LRRTM4: variants seen among roughly 807,000 people sequenced by gnomAD.
The protein encoded by LRRTM4 is leucine rich repeat transmembrane neuronal 4.
LRRTM4 carries 25 observed loss-of-function variants against 47.6 expected under a neutral mutation model. The observed-to-expected ratio is 0.53, with a 90% CI of 0.38 to 0.73. The LOEUF (loss-of-function observed/expected upper bound fraction) is 0.73. LRRTM4 is among the 30% of genes least tolerant of loss of function. The pLI is 0.00. For missense variants in LRRTM4, 638 were observed against 713.4 expected (o/e 0.89, Z 1.20); for synonymous variants, 311 against 269.5 (o/e 1.15, Z -1.51).
intron 3 of LRRTM4, among the ~76,000 whole-genome samples, chr2:76,875,891 T>C (rs1472059447): frequency 6.6e-6 from 1 of 152,084 alleles, no homozygotes. Flanking sequence ...TTCAGCTGAG[T>C]TTCCCTATAA....
chr2:76,826,099 T>C (rs548166996), intron 3 of LRRTM4, among the ~76,000 whole-genome samples: 2 of 151,664 alleles, frequency 1.3e-5, no homozygotes, highest in African/African-American at 4.8e-5. Context: ...AAGGCGAGAT[T>C]GTATATGAGC....
At chr2:77,422,381 C>T (rs867683378) in intron 3 of LRRTM4, among the ~76,000 whole-genome samples, 1 of 152,128 alleles carries the variant, frequency 6.6e-6, no homozygotes, top group Admixed American at 6.5e-5. Flanking sequence ...CAATAAACTG[C>T]ATCCATGTCT....
rs527712150 is a variant in LRRTM4 at position 77,088,714 on chromosome 2, G to A, written c.1552-339798C>T. On this transcript the variant is annotated intron_variant, in intron 3 of 3. Coordinates refer to ENST00000409884, the MANE Select transcript of LRRTM4 (RefSeq NM_001134745.3). The stretch of plus-strand genomic sequence containing the variant: ...ACTTGGATCAGGGGACTTCCCCTAG[G>A]AGATCAATCCCCCGTCCTCCTGCTC... 1.4e-4 allele frequency among the ~76,000 whole-genome samples: 21 copies of A among 152,230 alleles called. No individual in the cohort carries two copies. The South Asian group carries it at 4.4e-3, about 32-fold the overall frequency.
At chr2:76,984,516 A>C in intron 3 of LRRTM4, among the ~76,000 whole-genome samples, 1 of 151,962 alleles carries the variant, frequency 6.6e-6, no homozygotes, top group East Asian at 1.9e-4. Context: ...TATGGGACTT[A>C]AGGAAAAGCC....
At chr2:77,362,133 G>GAAAGAAAGAAAT (rs1558707277) in intron 3 of LRRTM4, among the ~76,000 whole-genome samples, 1 of 115,430 alleles carries the variant, frequency 8.7e-6, no homozygotes, top group Non-Finnish European at 2.1e-5. Context: ...AAGAAAGAAA[G>GAAAGAAAGAAAT]AAAGAAAGAA....
rs575187126 is a variant in LRRTM4, at chr2:77,090,774, C to T, written c.1552-341858G>A. Among the ~76,000 whole-genome samples, 571 of 152,328 alleles carry T rather than the reference C, an allele frequency of 3.7e-3. 1 individual carries two copies. Among genetic ancestry groups the T allele is most frequent in the Non-Finnish European group, 6.7e-3 (457 of 68,040 alleles). ...GACTGTTCAACTTACCTGGCAGCCACTCCCAGAGCCCCTGGAACTCTGGCC... is the reference window on the plus strand; with the variant it reads ...GACTGTTCAACTTACCTGGCAGCCATTCCCAGAGCCCCTGGAACTCTGGCC... On this transcript the variant is annotated intron_variant, in intron 3 of 3. Coordinates refer to ENST00000409884, the MANE Select transcript of LRRTM4 (RefSeq NM_001134745.3).
At chr2:77,108,740 C>CGGT (rs1671169407) in intron 3 of LRRTM4, among the ~76,000 whole-genome samples, 2 of 151,690 alleles carry the variant, frequency 1.3e-5, no homozygotes, top group Admixed American at 1.3e-4. Flanking sequence ...CCCGCCACCA[C>CGGT]GCCCGGCTAA....
At chr2:76,968,863 A>G (rs1676127278) in intron 3 of LRRTM4, among the ~76,000 whole-genome samples, 1 of 151,800 alleles carries the variant, frequency 6.6e-6, no homozygotes, top group Admixed American at 6.6e-5. Flanking sequence ...TTCCTTTTAA[A>G]GATTTCACAG....
chr2:77,483,777 C>T (rs1452403479), intron 3 of LRRTM4, among the ~76,000 whole-genome samples: 1 of 152,072 alleles, frequency 6.6e-6, no homozygotes. Context: ...TATTAAAAAA[C>T]CAACTTCATC....
At chr2:77,120,073 G>C (rs747677906) in intron 3 of LRRTM4, among the ~76,000 whole-genome samples, 2 of 151,732 alleles carry the variant, frequency 1.3e-5, no homozygotes, top group Non-Finnish European at 3.0e-5. Context: ...GGATATTTCT[G>C]TCTTATGAAA....
intron 3 of LRRTM4, among the ~76,000 whole-genome samples, chr2:77,476,465 G>C (rs1677391956): frequency 6.6e-6 from 1 of 151,920 alleles, no homozygotes; most frequent in African/African-American, 2.4e-5. Context: ...TAAAATATTA[G>C]AAATATAAGA....
Position 77,056,209 on chromosome 2 carries a change from GAAT to G in LRRTM4, c.1552-307296_1552-307294del, listed in dbSNP as rs528907399. ...GTATAATAATAAAAAGCTAATGTGA[GAAT>G]AATTATGTGATATATGAAAAAATAA... is the stretch of plus-strand genomic sequence containing the variant. On this transcript the variant is annotated intron_variant, in intron 3 of 3. Coordinates refer to ENST00000409884, the MANE Select transcript of LRRTM4 (RefSeq NM_001134745.3). Among the ~76,000 whole-genome samples the G allele has an allele frequency of 7.4e-3, 1,104 of 149,184 alleles. 14 individuals are homozygous for G. The highest frequency in any genetic ancestry group is 0.025 in the African/African-American group (1,029 of 40,986).
At chr2:77,415,016 T>C (rs1259789172) in intron 3 of LRRTM4, among the ~76,000 whole-genome samples, 1 of 152,202 alleles carries the variant, frequency 6.6e-6, no homozygotes, top group Non-Finnish European at 1.5e-5. Flanking sequence ...AAAATAGCCT[T>C]TTGAAAGATT....
chr2:77,297,300 CTATT>C (rs1459671756), intron 3 of LRRTM4, among the ~76,000 whole-genome samples: 1 of 152,072 alleles, frequency 6.6e-6, no homozygotes, highest in Non-Finnish European at 1.5e-5. Flanking sequence ...AAATAATTGA[CTATT>C]TTATTTATTT....
intron 3 of LRRTM4, among the ~76,000 whole-genome samples, chr2:76,809,733 G>T (rs1162659610): frequency 6.6e-6 from 1 of 152,138 alleles, no homozygotes; most frequent in Admixed American, 6.6e-5. Context: ...GAACCTGGAC[G>T]AGTGGCCTTT....
At chr2:77,381,792 T>C (rs1009813989) in intron 3 of LRRTM4, among the ~76,000 whole-genome samples, 1 of 152,040 alleles carries the variant, frequency 6.6e-6, no homozygotes, top group Non-Finnish European at 1.5e-5. Flanking sequence ...CAGCTACACA[T>C]ACACATTTTA....
chr2:76,753,887 T>G (rs1303094467), intron 3 of LRRTM4, among the ~76,000 whole-genome samples: 2 of 152,164 alleles, frequency 1.3e-5, no homozygotes, highest in Non-Finnish European at 1.5e-5. Flanking sequence ...CCCTCTTTTC[T>G]CAAAGGTATT....
In LRRTM4 at chr2:77,139,376, C is replaced by G. The variant is rs935896104; in HGVS notation, c.1551+378942G>C. 7.2e-5 allele frequency among the ~76,000 whole-genome samples: 11 copies of G among 152,156 alleles called. 1 individual carries two copies. Among genetic ancestry groups the G allele is most frequent in the Non-Finnish European group, 1.6e-4 (11 of 68,018 alleles). On this transcript the variant is annotated intron_variant, in intron 3 of 3. Transcript: ENST00000409884. The stretch of plus-strand genomic sequence containing the variant: ...TCAACAGAACGAAAGACAAAAGCCA[C>G]ATGATTATCTCAATAGATGCGGAAA...
chr2:77,091,296 G>T (rs989398877), intron 3 of LRRTM4, among the ~76,000 whole-genome samples: 1 of 146,836 alleles, frequency 6.8e-6, no homozygotes, highest in African/African-American at 2.7e-5. Flanking sequence ...CCTCCTTGGC[G>T]ACCGATCATG....
Sources: allele counts gnomAD v4.1 joint callset (sites outside exome capture counted in the v4.1 genomes callset), GRCh38; gene constraint gnomAD v4.1.1; transcripts MANE v1.5; gene names NCBI Gene and HGNC (gene_info 2026-07-23, HGNC 2026-07-21).